The following GREB1L variants were observed in gnomAD, a reference collection of about 807,000 sequenced individuals.
GREB1L encodes the protein GREB1-like protein.
GREB1L carries 17 observed loss-of-function variants against 200.8 expected under a neutral mutation model. That is an observed-to-expected ratio of 0.08 (90% CI 0.06 to 0.13). The LOEUF is 0.13. Ranked by LOEUF, GREB1L falls within the 10% of genes least tolerant of loss-of-function variation. The pLI, the probability that GREB1L is intolerant of heterozygous loss-of-function variation, is 1.00. For missense variants in GREB1L, 1,657 were observed against 2,367.7 expected (o/e 0.70, Z 6.23); for synonymous variants, 789 against 893.0 (o/e 0.88, Z 2.08).
chr18:21,271,048 G>A (rs1241208245), intron 1 of GREB1L, among the ~76,000 whole-genome samples: 2 of 152,158 alleles, frequency 1.3e-5, no homozygotes, highest in Non-Finnish European at 2.9e-5. Flanking sequence ...TGAACTATTA[G>A]CCAGTACATC....
intron 1 of GREB1L, among the ~76,000 whole-genome samples, chr18:21,274,803 C>T (rs1353226788): frequency 4.6e-5 from 7 of 151,982 alleles, no homozygotes; most frequent in Non-Finnish European, 8.8e-5. Context: ...GGGAGGATCG[C>T]TTAAGCCCAG....
intron 15 of GREB1L, among the ~76,000 whole-genome samples, chr18:21,468,317 T>G (rs2035347134): frequency 6.6e-6 from 1 of 152,124 alleles, no homozygotes; most frequent in Admixed American, 6.5e-5. Context: ...CCCACTTGCA[T>G]GAAATGTCTA....
intron 17 of GREB1L, among the ~76,000 whole-genome samples, chr18:21,485,163 T>A (rs1383194012): frequency 1.3e-5 from 2 of 152,184 alleles, no homozygotes; most frequent in Non-Finnish European, 1.5e-5. Flanking sequence ...TAAAATTTGT[T>A]TGCAAAGATA....
intron 2 of GREB1L, among the ~76,000 whole-genome samples, chr18:21,382,382 C>T (rs67741229): frequency 0.059 from 8,977 of 151,992 alleles, 357 homozygotes; most frequent in Non-Finnish European, 0.086. Context: ...ACTTTGTGGA[C>T]CATCAGAAGG....
chr18:21,472,984 G>A (rs1425770592), intron 15 of GREB1L, 47 bp from the exon 16 acceptor site: 2 of 1,302,734 alleles, frequency 1.5e-6, no homozygotes, highest in Non-Finnish European at 2.1e-6. Context: ...GTGTGTGTGT[G>A]TATGTGTAAA....
intron 23 of GREB1L, among the ~76,000 whole-genome samples, chr18:21,502,680 C>T (rs530142146): frequency 5.3e-5 from 8 of 152,252 alleles, no homozygotes; most frequent in African/African-American, 1.7e-4. Context: ...TGCACTAGAT[C>T]GTCGGGCCCA....
chr18:21,253,331 C>T (rs1446106447), intron 1 of GREB1L, among the ~76,000 whole-genome samples: 2 of 151,110 alleles, frequency 1.3e-5, no homozygotes, highest in Non-Finnish European at 2.9e-5. Context: ...CGGTTCACCG[C>T]AACCTCCACC....
chr18:21,245,089 A>G (rs1462438686), intron 1 of GREB1L, among the ~76,000 whole-genome samples: 1 of 152,156 alleles, frequency 6.6e-6, no homozygotes, highest in African/African-American at 2.4e-5. Flanking sequence ...TGGGCTAATG[A>G]TGGGGACAGG....
intron 7 of GREB1L, among the ~76,000 whole-genome samples, chr18:21,421,077 A>C (rs1008795492): frequency 1.4e-4 from 21 of 152,244 alleles, no homozygotes; most frequent in Non-Finnish European, 2.9e-4. Context: ...AGTAATCTAT[A>C]GTGGCAGAAA....
chr18:21,259,215 G>T (rs1381632337), intron 1 of GREB1L, among the ~76,000 whole-genome samples: 1 of 152,080 alleles, frequency 6.6e-6, no homozygotes, highest in Non-Finnish European at 1.5e-5. Context: ...GTAATAATTG[G>T]CAGCAATAAT....
At chr18:21,478,892 A>AT (rs1184412956) in intron 17 of GREB1L, among the ~76,000 whole-genome samples, 1 of 152,012 alleles carries the variant, frequency 6.6e-6, no homozygotes, top group Non-Finnish European at 1.5e-5. Flanking sequence ...CTAATTAATT[A>AT]TTTTTTTGAG....
intron 1 of GREB1L, among the ~76,000 whole-genome samples, chr18:21,268,558 CACAT>C (rs1383417674): frequency 2.9e-3 from 252 of 86,640 alleles, no homozygotes; most frequent in South Asian, 8.8e-3. Flanking sequence ...CACACACACA[CACAT>C]ATATATATAT....
At chr18:21,289,288 G>T (rs1437399341) in intron 1 of GREB1L, among the ~76,000 whole-genome samples, 1 of 152,100 alleles carries the variant, frequency 6.6e-6, no homozygotes, top group Non-Finnish European at 1.5e-5. Flanking sequence ...GGTAGCTCAC[G>T]CCTGTAATCT....
At chr18:21,421,443 A>G (rs2032139108) in intron 7 of GREB1L, among the ~76,000 whole-genome samples, 3 of 152,244 alleles carry the variant, frequency 2.0e-5, no homozygotes, top group Non-Finnish European at 2.9e-5. Context: ...TCAGAGTGCA[A>G]TAATAGAAAT....
chr18:21,434,539 A>ATG lies in GREB1L; in HGVS notation c.833-4978_833-4977dup, dbSNP rs10673869. ...TGTGTGTGTGTGTGTGTGTATATAT[A>ATG]TGTGTATATATATGTGTGTATATAT... On this transcript the variant is annotated intron_variant, in intron 7 of 32. Transcript: ENST00000424526. Among the ~76,000 whole-genome samples the ATG allele has an allele frequency of 3.6e-3, 479 of 132,208 alleles. 3 individuals carry two copies. The highest frequency in any genetic ancestry group is 0.013 in the African/African-American group (378 of 29,436). 86.7% of individuals were successfully genotyped at this position (132,208 alleles called of 152,430 possible). A position where few individuals can be genotyped will look rare whatever the true frequency, so the allele number is the denominator to read the frequency against.
At chr18:21,478,244 C>T (rs536140395) in intron 17 of GREB1L, among the ~76,000 whole-genome samples, 19 of 152,146 alleles carry the variant, frequency 1.2e-4, no homozygotes, top group Non-Finnish European at 1.5e-4. Context: ...TGAGACTACC[C>T]ATCTCAACAT....
At chr18:21,364,782 G>T (rs547107114) in intron 1 of GREB1L, among the ~76,000 whole-genome samples, 1 of 151,626 alleles carries the variant, frequency 6.6e-6, no homozygotes, top group Non-Finnish European at 1.5e-5. Context: ...TGTGCAGCAC[G>T]TGGCCAAAAA....
chr18:21,423,959 G>C (rs1291021605), intron 7 of GREB1L, among the ~76,000 whole-genome samples: 2 of 152,184 alleles, frequency 1.3e-5, no homozygotes, highest in Non-Finnish European at 2.9e-5. Context: ...TTGCACTTCT[G>C]GACTATACAG....
intron 1 of GREB1L, among the ~76,000 whole-genome samples, chr18:21,356,987 A>G (rs145500884): frequency 4.9e-4 from 74 of 152,210 alleles, no homozygotes; most frequent in African/African-American, 1.7e-3. Flanking sequence ...AGAAATGTCT[A>G]TTCAAGTCCT....
Sources: allele counts gnomAD v4.1 joint callset (sites outside exome capture counted in the v4.1 genomes callset), GRCh38; gene constraint gnomAD v4.1.1; transcripts MANE v1.5; gene names NCBI Gene and HGNC (gene_info 2026-07-23, HGNC 2026-07-21).